The following LRP1B variants were observed in gnomAD, a reference collection of about 807,000 sequenced individuals.
The protein encoded by LRP1B is low-density lipoprotein receptor-related protein 1B.
A neutral mutation model predicts 556.6 loss-of-function variants in LRP1B; 217 were observed. The ratio of observed to expected loss-of-function variants is 0.39; its 90% CI spans 0.35 to 0.44. The LOEUF is 0.44. LRP1B is among the 20% of genes least tolerant of loss of function. LRP1B has a pLI of 1.00. For missense variants in LRP1B, 5,053 were observed against 5,620.8 expected, an observed-to-expected ratio of 0.90 and a Z score of 3.23; for synonymous variants, 2,047 against 1,865.8, an observed-to-expected ratio of 1.10 and a Z score of -2.50.
At chr2:141,154,378 A>G (rs1022707924) in intron 7 of LRP1B, among the ~76,000 whole-genome samples, 6 of 151,858 alleles carry the variant, frequency 4.0e-5, no homozygotes, top group African/African-American at 1.2e-4. Context: ...TATTCATCCA[A>G]TAGTTTTCAC....
intron 3 of LRP1B, among the ~76,000 whole-genome samples, chr2:141,447,325 A>C (rs1282167002): frequency 6.6e-6 from 1 of 151,624 alleles, no homozygotes; most frequent in Non-Finnish European, 1.5e-5. Flanking sequence ...GCCTTTTTTC[A>C]AAGTTCTTAG....
intron 7 of LRP1B, among the ~76,000 whole-genome samples, chr2:141,071,101 C>T (rs1193914894): frequency 1.3e-5 from 2 of 151,822 alleles, no homozygotes; most frequent in Non-Finnish European, 2.9e-5. Context: ...ATGCAAAAAT[C>T]CTCAATAAAA....
intron 31 of LRP1B, among the ~76,000 whole-genome samples, chr2:140,815,690 C>T (rs1379510084): frequency 6.6e-6 from 1 of 152,086 alleles, no homozygotes; most frequent in Non-Finnish European, 1.5e-5. Flanking sequence ...GGATGGTTTA[C>T]TTTTCCATAT....
chr2:142,058,793 C>A (rs1221415673), intron 1 of LRP1B, among the ~76,000 whole-genome samples: 1 of 151,992 alleles, frequency 6.6e-6, no homozygotes, highest in East Asian at 1.9e-4. Flanking sequence ...TTAATTCTCT[C>A]CCCTCTCCCC....
rs570169727 is a variant in LRP1B at position 140,855,493 on chromosome 2, G to GGAAAAAAAAAAAAA, written c.4580-3711_4580-3710insTTTTTTTTTTTTTC. Among the ~76,000 whole-genome samples, 64 of 99,398 alleles carry GGAAAAAAAAAAAAA rather than the reference G, an allele frequency of 6.4e-4. 19 individuals are homozygous for GGAAAAAAAAAAAAA. The highest frequency in any genetic ancestry group is 7.2e-3 in the Middle Eastern group (1 of 138). The allele number at this position is 99,398 out of a possible 152,430, so 65.2% of individuals were successfully genotyped here. ...GACAGGTAGGTCCCATCTCTACTGG[G>GGAAAAAAAAAAAAA]AAAAAAAAAAAATTTGAATGGCTTC... On this transcript the variant is annotated intron_variant, in intron 27 of 90. Transcript: ENST00000389484.
chr2:141,131,407 T>TATATATATA (rs1701349269), intron 7 of LRP1B, among the ~76,000 whole-genome samples: 1 of 110,684 alleles, frequency 9.0e-6, no homozygotes, highest in Non-Finnish European at 1.8e-5. Flanking sequence ...ATGCATAAAG[T>TATATATATA]TATATATATA....
At chr2:141,645,940 G>T (rs1689547189) in intron 2 of LRP1B, among the ~76,000 whole-genome samples, 1 of 152,032 alleles carries the variant, frequency 6.6e-6, no homozygotes. Context: ...TAAGAAAATT[G>T]CCTGGAATTA....
intron 1 of LRP1B, among the ~76,000 whole-genome samples, chr2:141,825,285 T>C (rs1696885103): frequency 6.6e-6 from 1 of 152,120 alleles, no homozygotes; most frequent in Non-Finnish European, 1.5e-5. Context: ...ATCATGAAGG[T>C]GTAGCACAGA....
chr2:141,906,018 G>C (rs866651589), intron 1 of LRP1B, among the ~76,000 whole-genome samples: 1 of 149,710 alleles, frequency 6.7e-6, no homozygotes, highest in South Asian at 2.1e-4. Context: ...GTGTGTGTGT[G>C]TGTGTGTCTG....
intron 1 of LRP1B, among the ~76,000 whole-genome samples, chr2:142,098,455 G>A (rs1252866817): frequency 6.6e-6 from 1 of 151,750 alleles, no homozygotes; most frequent in African/African-American, 2.4e-5. Flanking sequence ...ACTGGAAACT[G>A]TCTGCTTTGG....
intron 1 of LRP1B, among the ~76,000 whole-genome samples, chr2:141,828,883 G>A (rs955810560): frequency 1.3e-5 from 2 of 151,950 alleles, no homozygotes; most frequent in Non-Finnish European, 2.9e-5. Context: ...AAATTATAGG[G>A]TAGATTTGGA....
chr2:140,850,691 A>T (rs770278697), intron 28 of LRP1B, among the ~76,000 whole-genome samples: 25 of 152,148 alleles, frequency 1.6e-4, no homozygotes, highest in Non-Finnish European at 2.8e-4. Context: ...GCATTACAAG[A>T]TTTTGAGGGA....
At chr2:141,967,745 A>T (rs987766516) in intron 1 of LRP1B, among the ~76,000 whole-genome samples, 39 of 151,816 alleles carry the variant, frequency 2.6e-4, no homozygotes, top group Non-Finnish European at 7.4e-5. Context: ...TAAAGAGAAG[A>T]TGTGTACTTA....
intron 3 of LRP1B, among the ~76,000 whole-genome samples, chr2:141,293,769 A>G (rs186653809): frequency 4.6e-5 from 7 of 152,254 alleles, no homozygotes; most frequent in Admixed American, 4.6e-4. Flanking sequence ...CCTGTGACTA[A>G]GTAATCATCA....
chr2:141,433,563 A>G lies in LRP1B; in HGVS notation c.343+46833T>C, dbSNP rs552577244. Among the ~76,000 whole-genome samples the G allele has an allele frequency of 2.6e-5, 4 of 152,162 alleles. No individual in the cohort carries two copies. The South Asian group carries it at 8.3e-4, about 32-fold the overall frequency. On this transcript the variant is annotated intron_variant, in intron 3 of 90. Coordinates refer to ENST00000389484, the MANE Select transcript of LRP1B (RefSeq NM_018557.3). ...TTTTTGCTAAGTTGTTTGTTGATAG[A>G]TTGTCTGAATTTTCAGTACTTTGAA...
chr2:140,832,273 T>C (rs1204884534), intron 31 of LRP1B, among the ~76,000 whole-genome samples: 1 of 152,146 alleles, frequency 6.6e-6, no homozygotes, highest in African/African-American at 2.4e-5. Context: ...GTGTGGATTT[T>C]GGTATATGTG....
chr2:141,055,331 C>A lies in LRP1B; in HGVS notation c.1409-72G>T, dbSNP rs1029703873. 8 of 1,508,914 alleles carry A rather than the reference C, an allele frequency of 5.3e-6. No homozygotes were observed. The African/African-American group carries it at 9.8e-5, about 19-fold the overall frequency. 93.5% of individuals were successfully genotyped at this position (1,508,914 alleles called of 1,614,324 possible). ...AAGATAACTATGTGCATCAGTATGT[C>A]AAAATTTCTATAGTGTAAAAACAGG... On this transcript the variant is annotated intron_variant, in intron 9 of 90. Transcript: ENST00000389484.
At chr2:141,576,938 A>G (rs1686775346) in intron 2 of LRP1B, among the ~76,000 whole-genome samples, 1 of 151,856 alleles carries the variant, frequency 6.6e-6, no homozygotes, top group African/African-American at 2.4e-5. Context: ...GATAACAAAC[A>G]TAAGCCACCA....
chr2:141,712,114 TATAA>T (rs1300026165), intron 2 of LRP1B, among the ~76,000 whole-genome samples: 14 of 152,178 alleles, frequency 9.2e-5, no homozygotes, highest in Non-Finnish European at 1.8e-4. Context: ...ATCAAATGTA[TATAA>T]ATAGTGTTTA....
Sources: gnomAD v4.1 joint callset for allele counts (sites outside exome capture counted in the v4.1 genomes callset) on GRCh38, gnomAD v4.1.1 for gene constraint, MANE v1.5 for transcripts, NCBI Gene and HGNC (gene_info 2026-07-23, HGNC 2026-07-21) for gene names.